DPP10: variants seen among roughly 807,000 people sequenced by gnomAD.
DPP10 encodes the protein dipeptidyl peptidase like 10, also known as inactive dipeptidyl peptidase 10.
Under a neutral mutation model 120.9 loss-of-function variants are expected in DPP10, and 33 were observed. The observed-to-expected ratio is 0.27, with a 90% confidence interval of 0.21 to 0.37. The LOEUF (loss-of-function observed/expected upper bound fraction) is 0.37. Among genes scored for constraint, DPP10 ranks in the 10% least tolerant of loss-of-function variants. The pLI is 1.00. For missense variants in DPP10, 816 were observed against 942.8 expected (o/e 0.87, Z 1.76); for synonymous variants, 337 against 326.1 (o/e 1.03, Z -0.36).
intron 1 of DPP10, among the ~76,000 whole-genome samples, chr2:114,928,799 A>C (rs2104482333): frequency 6.6e-6 from 1 of 152,214 alleles, no homozygotes; most frequent in East Asian, 1.9e-4. Context: ...CCACTCTTGC[A>C]TTCTGGACAT....
At chr2:115,525,574 A>C (rs757585619) in intron 4 of DPP10, among the ~76,000 whole-genome samples, 20 of 152,230 alleles carry the variant, frequency 1.3e-4, no homozygotes, top group African/African-American at 4.6e-4. Context: ...CATGCAAATT[A>C]TAAAAGCATT....
At chr2:115,354,320 C>T (rs2064224636) in intron 3 of DPP10, among the ~76,000 whole-genome samples, 1 of 152,052 alleles carries the variant, frequency 6.6e-6, no homozygotes, top group Non-Finnish European at 1.5e-5. Flanking sequence ...AAGTTTGTCT[C>T]CCACATTCCC....
chr2:115,730,468 C>T (rs2092878115), intron 8 of DPP10, among the ~76,000 whole-genome samples: 1 of 152,138 alleles, frequency 6.6e-6, no homozygotes, highest in South Asian at 2.1e-4. Context: ...GAACCACGTA[C>T]TGACGTGCTC....
At chr2:115,683,260 T>A (rs897757925) in intron 5 of DPP10, among the ~76,000 whole-genome samples, 6 of 151,922 alleles carry the variant, frequency 3.9e-5, no homozygotes, top group African/African-American at 1.4e-4. Context: ...GCATACTGGA[T>A]GATTCCAACT....
chr2:115,376,788 C>G (rs1400294671), intron 3 of DPP10, among the ~76,000 whole-genome samples: 4 of 149,930 alleles, frequency 2.7e-5, no homozygotes, highest in East Asian at 2.0e-4. Context: ...ACCTATGAGT[C>G]AGAATATGTG....
intron 5 of DPP10, among the ~76,000 whole-genome samples, chr2:115,625,296 A>C (rs1391212342): frequency 6.6e-6 from 1 of 152,156 alleles, no homozygotes; most frequent in Non-Finnish European, 1.5e-5. Context: ...AGTGTGGAAA[A>C]GACTTCAGTA....
At chr2:114,949,309 G>A (rs1427626733) in intron 1 of DPP10, among the ~76,000 whole-genome samples, 2 of 152,046 alleles carry the variant, frequency 1.3e-5, no homozygotes, top group African/African-American at 4.8e-5. Context: ...CCATAATCCA[G>A]TCACCTCCCA....
intron 3 of DPP10, among the ~76,000 whole-genome samples, chr2:115,389,876 A>G (rs749664347): frequency 3.9e-5 from 6 of 152,170 alleles, no homozygotes; most frequent in Non-Finnish European, 7.4e-5. Flanking sequence ...TTATTAATTC[A>G]TTATTTAGCA....
intron 2 of DPP10, among the ~76,000 whole-genome samples, chr2:115,321,238 C>T (rs935766718): frequency 1.3e-5 from 2 of 152,214 alleles, no homozygotes; most frequent in Non-Finnish European, 1.5e-5. Flanking sequence ...GAGGCAGAGG[C>T]TGCAGTGAGC....
rs111628403 is a variant in DPP10, at chr2:114,592,104, T to A, written c.60+149266T>A. Among the ~76,000 whole-genome samples, 1,092 of 152,342 alleles carry A rather than the reference T, an allele frequency of 7.2e-3. 15 individuals carry two copies. The highest frequency in any genetic ancestry group is 0.025 in the African/African-American group (1,046 of 41,580). On this transcript the variant is annotated intron_variant, in intron 1 of 25. Coordinates refer to ENST00000410059, the MANE Select transcript of DPP10 (RefSeq NM_020868.6). ...GGCTGTATGTAGCTCAAACATATGCTGAGCTTTTATAATTAAATGGAGTTT... is the reference window on the plus strand; with the variant it reads ...GGCTGTATGTAGCTCAAACATATGCAGAGCTTTTATAATTAAATGGAGTTT...
chr2:115,356,959 G>C (rs1303928342), intron 3 of DPP10, among the ~76,000 whole-genome samples: 1 of 152,066 alleles, frequency 6.6e-6, no homozygotes, highest in Non-Finnish European at 1.5e-5. Flanking sequence ...TTCTATAGTG[G>C]CTGAACTAAT....
chr2:115,087,009 G>A (rs1708765141), intron 1 of DPP10, among the ~76,000 whole-genome samples: 1 of 152,174 alleles, frequency 6.6e-6, no homozygotes, highest in South Asian at 2.1e-4. Flanking sequence ...AGTGCAGAGT[G>A]TGTGATATTT....
rs551941580 is a variant in DPP10, at chr2:114,829,229, G to A, written c.60+386391G>A. 2.6e-5 allele frequency among the ~76,000 whole-genome samples: 4 copies of A among 152,014 alleles called. No individual in the cohort carries two copies. In the East Asian group the frequency reaches 7.8e-4, roughly 30 times the overall value. On this transcript the variant is annotated intron_variant, in intron 1 of 25. Transcript: ENST00000410059. Reference sequence around the variant, plus strand: ...GCTTGAACCGGGGGCAGCAGAGGTAGCAGTGAGCCAAGATCGAGCCACTGC... The same window carrying A: ...GCTTGAACCGGGGGCAGCAGAGGTAACAGTGAGCCAAGATCGAGCCACTGC...
At chr2:114,604,871 G>A (rs960927192) in intron 1 of DPP10, among the ~76,000 whole-genome samples, 7 of 152,038 alleles carry the variant, frequency 4.6e-5, no homozygotes, top group African/African-American at 1.7e-4. Flanking sequence ...GCAGTTCTGT[G>A]AGGTAGTTAG....
chr2:115,655,642 C>G (rs2088240642), intron 5 of DPP10, among the ~76,000 whole-genome samples: 1 of 151,638 alleles, frequency 6.6e-6, no homozygotes, highest in East Asian at 1.9e-4. Context: ...TTCCTCCTTT[C>G]ATAAGTTTCC....
rs373806446 is a variant in DPP10, at chr2:115,255,167, G to A, written c.61-54072G>A. 1.3e-3 allele frequency among the ~76,000 whole-genome samples: 198 copies of A among 152,306 alleles called. 1 individual carries two copies. Among genetic ancestry groups the A allele is most frequent in the Non-Finnish European group, 2.2e-3 (147 of 68,020 alleles). On this transcript the variant is annotated intron_variant, in intron 1 of 25. Transcript: ENST00000410059. ...TCTGTAAATCTTCTGAAATCTAGGC[G>A]GAGGTTCCCAAATCTCAACTTTTGA...
chr2:115,815,767 T>A, intron 21 of DPP10, 38 bp downstream of exon 21: 1 of 1,557,344 alleles, frequency 6.4e-7, no homozygotes, highest in Non-Finnish European at 8.8e-7. Flanking sequence ...TTTTTATGCG[T>A]ATCTATGTTA....
chr2:114,627,566 A>G, intron 1 of DPP10, among the ~76,000 whole-genome samples: 1 of 152,074 alleles, frequency 6.6e-6, no homozygotes, highest in African/African-American at 2.4e-5. Flanking sequence ...TAATAACTGC[A>G]CAACAATCAA....
chr2:115,727,777 G>C, intron 7 of DPP10, 39 bp from the exon 8 acceptor site: 1 of 1,559,548 alleles, frequency 6.4e-7, no homozygotes, highest in Non-Finnish European at 8.6e-7. Context: ...GCATCCTAAC[G>C]TGTTGGATTT....
Sources: gnomAD v4.1 joint callset for allele counts (sites outside exome capture counted in the v4.1 genomes callset) on GRCh38, gnomAD v4.1.1 for gene constraint, MANE v1.5 for transcripts, NCBI Gene and HGNC (gene_info 2026-07-23, HGNC 2026-07-21) for gene names.